ANKRD11: variants seen among roughly 807,000 people sequenced by gnomAD.
The protein encoded by ANKRD11 is ankyrin repeat domain-containing protein 11.
ANKRD11 carries 17 observed loss-of-function variants against 195.7 expected under a neutral mutation model. That is an observed-to-expected ratio of 0.09 (90% confidence interval 0.06 to 0.13). The LOEUF is 0.13. Ranked by LOEUF, ANKRD11 falls within the 10% of genes least tolerant of loss-of-function variation. The pLI is 1.00. For missense variants in ANKRD11, 3,735 were observed against 3,566.1 expected, an observed-to-expected ratio of 1.05 and a Z score of -1.21; for synonymous variants, 1,953 against 1,528.1, an observed-to-expected ratio of 1.28 and a Z score of -6.49.
intron 1 of ANKRD11, among the ~76,000 whole-genome samples, chr16:89,436,040 C>T (rs2043203417): frequency 6.6e-6 from 1 of 152,160 alleles, no homozygotes. Flanking sequence ...ACACATTCTT[C>T]CAACAATATG....
Position 89,279,683 on chromosome 16 carries a change from C to T in ANKRD11, c.6859G>A (p.Gly2287Ser), listed in dbSNP as rs775584042. ...NTVAQAQAAD[G>S]AGPEDDTEAS... ...TCAGTGTCGTCCTCGGGGCCGGCACCGTCTGCGGCCTGAGCTTGTGCCACA... is the reference window on the plus strand; with the variant it reads ...TCAGTGTCGTCCTCGGGGCCGGCACTGTCTGCGGCCTGAGCTTGTGCCACA... The change falls in exon 9 of 13, where the codon GGT becomes AGT. Residue 2287 changes from glycine to serine, a missense_variant. Coordinates refer to ENST00000301030, the MANE Select transcript of ANKRD11 (RefSeq NM_013275.6). The surrounding 1 kb of genome is among the most constrained non-coding windows in gnomAD (Gnocchi z 5.6). 4.7e-6 allele frequency: 7 copies of T among 1,484,884 alleles called. No individual in the cohort carries two copies. Among genetic ancestry groups the T allele is most frequent in the Non-Finnish European group, 6.2e-6 (7 of 1,120,798 alleles). 92.0% of individuals were successfully genotyped at this position (1,484,884 alleles called of 1,614,324 possible).
chr16:89,446,660 C>G (rs565965146), intron 1 of ANKRD11, among the ~76,000 whole-genome samples: 27 of 152,264 alleles, frequency 1.8e-4, no homozygotes, highest in Non-Finnish European at 3.1e-4. Context: ...GCCAGGCCAT[C>G]AAGGGCTGTG....
chr16:89,276,730 C>T (rs1453876698), intron 9 of ANKRD11, among the ~76,000 whole-genome samples: 2 of 152,218 alleles, frequency 1.3e-5, no homozygotes, highest in East Asian at 1.9e-4. Context: ...TCTGCTGTTT[C>T]TGAACTTTTC....
chr16:89,339,355 GCAAACAAACAAA>G lies in ANKRD11; in HGVS notation c.-59-22289_-59-22278del, dbSNP rs113752085. Among the ~76,000 whole-genome samples the G allele has an allele frequency of 7.1e-3, 1,078 of 152,142 alleles. 15 individuals carry two copies. Among genetic ancestry groups the G allele is most frequent in the South Asian group, 0.04 (193 of 4,814 alleles). ...CAGGTTTGCTTGAAGGCTTACACTAGCAAACAAACAAACAAACAAACAAACAAAGAGAAACCA... is the reference window on the plus strand; with the variant it reads ...CAGGTTTGCTTGAAGGCTTACACTAGCAAACAAACAAACAAAGAGAAACCA... On this transcript the variant is annotated intron_variant, in intron 2 of 12. Transcript: ENST00000301030.
Position 89,268,608 on chromosome 16 carries a change from C to T in ANKRD11, c.7862G>A (p.Arg2621Lys). The T allele has an allele frequency of 6.4e-7, 1 of 1,558,610 alleles. No individual in the cohort carries two copies. Among genetic ancestry groups the T allele is most frequent in the Non-Finnish European group, 8.7e-7 (1 of 1,151,356 alleles). The change falls in exon 13 of 13, where the codon AGG becomes AAG. Residue 2621 changes from arginine to lysine, a missense_variant. Transcript: ENST00000301030. ...CTGCACCTTCAGCTGCCACTCCATCCTCTGCACGGCGTTCAGGGCCGCGGC... is the reference window on the plus strand; with the variant it reads ...CTGCACCTTCAGCTGCCACTCCATCTTCTGCACGGCGTTCAGGGCCGCGGC... ...HEAAALNAVQ[R>K]MEWQLKVQEL...
Position 89,282,007 on chromosome 16 carries a change from C to A in ANKRD11, c.4535G>T (p.Arg1512Leu). ...PATRDKDSPPRVLKDKSRDEG... is the reference protein window; with the variant it reads ...PATRDKDSPPLVLKDKSRDEG... ...GTCCCTGGACTTGTCTTTGAGCACG[C>A]GGGGCGGGCTGTCCTTGTCCCTGGT... Residue 1512 changes from arginine to leucine, a missense_variant, in exon 9 of 13, where the codon CGC becomes CTC. Physicochemically the swap from Arg to Leu is moderately radical, Grantham distance 102. Transcript: ENST00000301030. 6.2e-7 allele frequency: 1 copy of A among 1,613,330 alleles called. No individual in the cohort carries two copies. Among genetic ancestry groups the A allele is most frequent in the Non-Finnish European group, 8.5e-7 (1 of 1,180,032 alleles).
intron 2 of ANKRD11, among the ~76,000 whole-genome samples, chr16:89,326,246 G>A (rs1292917145): frequency 2.6e-5 from 4 of 152,186 alleles, no homozygotes; most frequent in African/African-American, 9.7e-5. Flanking sequence ...TTGCGAGGGT[G>A]GAAATAAACA....
intron 1 of ANKRD11, among the ~76,000 whole-genome samples, chr16:89,465,080 T>C (rs973165120): frequency 3.3e-5 from 5 of 152,240 alleles, no homozygotes; most frequent in African/African-American, 4.8e-5. Flanking sequence ...GTGTTAGTAA[T>C]AGTTGTAACT....
intron 4 of ANKRD11, chr16:89,301,651 G>A (rs2035861225): frequency 5.0e-6 from 2 of 398,732 alleles, no homozygotes; most frequent in Non-Finnish European, 4.4e-6. Flanking sequence ...AAGACACAGA[G>A]GTGATGCTGT....
In ANKRD11 at chr16:89,284,932, C is replaced by G. The variant is rs781350808; in HGVS notation, c.1610G>C (p.Ser537Thr). ...GSSAAQKQNPSHTDQHTKHWR... is the reference protein window; with the variant it reads ...GSSAAQKQNPTHTDQHTKHWR... ...GTGCTTGGTGTGCTGGTCTGTGTGGCTGGGGTTCTGCTTCTGGGCGGCAGA... is the reference window on the plus strand; with the variant it reads ...GTGCTTGGTGTGCTGGTCTGTGTGGGTGGGGTTCTGCTTCTGGGCGGCAGA... The change falls in exon 9 of 13, where the codon AGC becomes ACC. Residue 537 changes from serine (S) to threonine (T), a missense_variant. Coordinates refer to ENST00000301030, the MANE Select transcript of ANKRD11 (RefSeq NM_013275.6). 2 of 1,614,166 alleles carry G rather than the reference C, an allele frequency of 1.2e-6. No individual in the cohort carries two copies. Among genetic ancestry groups the G allele is most frequent in the Non-Finnish European group, 8.5e-7 (1 of 1,180,024 alleles).
At chr16:89,479,042 C>T (rs994710913) in intron 1 of ANKRD11, among the ~76,000 whole-genome samples, 11 of 152,112 alleles carry the variant, frequency 7.2e-5, no homozygotes, top group Non-Finnish European at 1.0e-4. Context: ...CCTCAACCTT[C>T]GGGCCTCAAG....
At chr16:89,485,361 G>C (rs1238047405) in intron 1 of ANKRD11, among the ~76,000 whole-genome samples, 1 of 151,800 alleles carries the variant, frequency 6.6e-6, no homozygotes. Context: ...GGGAGTGGTG[G>C]TATGGGCCTG....
chr16:89,376,960 A>C (rs1265781034), intron 2 of ANKRD11, among the ~76,000 whole-genome samples: 1 of 152,142 alleles, frequency 6.6e-6, no homozygotes, highest in Non-Finnish European at 1.5e-5. Context: ...AAAGATAAAC[A>C]CCAGCTGCCA....
intron 2 of ANKRD11, among the ~76,000 whole-genome samples, chr16:89,352,654 A>G (rs2039276618): frequency 6.6e-6 from 1 of 152,176 alleles, no homozygotes; most frequent in Non-Finnish European, 1.5e-5. Flanking sequence ...TCCACTCATC[A>G]GCACCAAAGT....
At chr16:89,307,008 G>A (rs77560414) in intron 3 of ANKRD11, among the ~76,000 whole-genome samples, 15,840 of 148,138 alleles carry the variant, frequency 0.11, 1,038 homozygotes, top group East Asian at 0.33. Context: ...CGCTCGGGAC[G>A]TGGGGAGGGG....
chr16:89,373,956 G>T (rs1418047097), intron 2 of ANKRD11, among the ~76,000 whole-genome samples: 1 of 152,242 alleles, frequency 6.6e-6, no homozygotes, highest in South Asian at 2.1e-4. Flanking sequence ...GCGGGCTGGG[G>T]CCCTGGCCCA....
intron 2 of ANKRD11, among the ~76,000 whole-genome samples, chr16:89,325,922 G>A (rs1389484242): frequency 2.0e-5 from 3 of 152,280 alleles, no homozygotes; most frequent in South Asian, 4.1e-4. Context: ...GCATGACGAC[G>A]GAGCAGCTTC....
At chr16:89,306,651 C>T in intron 3 of ANKRD11, among the ~76,000 whole-genome samples, 1 of 97,614 alleles carries the variant, frequency 1.0e-5, no homozygotes. Flanking sequence ...AGACACGCAC[C>T]ACCTCCCACT....
chr16:89,429,298 T>G (rs12103284), intron 1 of ANKRD11, among the ~76,000 whole-genome samples: 463 of 19,494 alleles, frequency 0.024, 3 homozygotes, highest in Middle Eastern at 0.18. Context: ...ACACAGCAGG[T>G]ACTCTCAACT....
Sources: gnomAD v4.1 joint callset for allele counts (sites outside exome capture counted in the v4.1 genomes callset) on GRCh38, gnomAD v4.1.1 for gene constraint, Gnocchi (gnomAD v3.1) non-coding constraint, MANE v1.5 for transcripts, NCBI Gene and HGNC (gene_info 2026-07-23, HGNC 2026-07-21) for gene names.